ZCWPW2: variants seen among roughly 807,000 people sequenced by gnomAD.
The protein encoded by ZCWPW2 is zinc finger CW-type and PWWP domain containing 2.
A neutral mutation model predicts 46.6 loss-of-function variants in ZCWPW2; 45 were observed. The ratio of observed to expected loss-of-function variants is 0.96; its 90% CI spans 0.76 to 1.24. ZCWPW2 has a LOEUF of 1.24. Ranked by LOEUF, ZCWPW2 falls within the 50% of genes most tolerant of loss-of-function variation. ZCWPW2 has a pLI of 0.00. For missense variants in ZCWPW2, 429 were observed against 403.9 expected (o/e 1.06, Z -0.53); for synonymous variants, 152 against 137.1 (o/e 1.11, Z -0.76).
chr3:28,397,128 CAAA>C (rs35842436), intron 2 of ZCWPW2, among the ~76,000 whole-genome samples: 1 of 137,300 alleles, frequency 7.3e-6, no homozygotes, highest in Middle Eastern at 3.9e-3. Context: ...TACTCTGTCT[CAAA>C]AAAAAAAAAA....
chr3:28,382,290 G>A (rs1695135722), intron 1 of ZCWPW2, among the ~76,000 whole-genome samples: 1 of 152,082 alleles, frequency 6.6e-6, no homozygotes, highest in Non-Finnish European at 1.5e-5. Context: ...GGAAGGATCT[G>A]TTTCAGACCT....
At chr3:28,453,458 A>G (rs1017599073) in intron 4 of ZCWPW2, among the ~76,000 whole-genome samples, 6 of 152,212 alleles carry the variant, frequency 3.9e-5, no homozygotes, top group Non-Finnish European at 7.3e-5. Context: ...TGAAAAATGT[A>G]TCAATTAGGT....
chr3:28,380,940 A>G (rs1330776108), intron 1 of ZCWPW2, among the ~76,000 whole-genome samples: 3 of 16,858 alleles, frequency 1.8e-4, no homozygotes, highest in African/African-American at 2.3e-4. Context: ...TTTGGTATAT[A>G]TATATATATA....
chr3:28,477,310 A>G (rs1575181685), intron 4 of ZCWPW2, among the ~76,000 whole-genome samples: 1 of 152,280 alleles, frequency 6.6e-6, no homozygotes, highest in South Asian at 2.1e-4. Context: ...TGTGTCCAAA[A>G]GTAGAGTTTT....
chr3:28,349,589 G>A (rs540672369), intron 1 of ZCWPW2, among the ~76,000 whole-genome samples: 2 of 152,268 alleles, frequency 1.3e-5, no homozygotes, highest in South Asian at 4.1e-4. Flanking sequence ...CGGCTTCCCT[G>A]GAGTTGCCAC....
chr3:28,401,237 A>G (rs1559489569), intron 2 of ZCWPW2, among the ~76,000 whole-genome samples: 1 of 152,106 alleles, frequency 6.6e-6, no homozygotes, highest in Non-Finnish European at 1.5e-5. Context: ...TACAGGTAAC[A>G]GATAGAAAGA....
intron 3 of ZCWPW2, among the ~76,000 whole-genome samples, chr3:28,429,035 A>C (rs890789100): frequency 2.9e-4 from 44 of 152,202 alleles, no homozygotes; most frequent in African/African-American, 1.1e-3. Flanking sequence ...CTATAAGGAT[A>C]CCCAAAAATG....
intron 1 of ZCWPW2, among the ~76,000 whole-genome samples, chr3:28,382,523 T>A (rs1695143856): frequency 6.6e-6 from 1 of 152,200 alleles, no homozygotes; most frequent in South Asian, 2.1e-4. Context: ...ATGTGAATTT[T>A]TTTGGAGAGG....
chr3:28,495,694 T>C (rs910661785), intron 6 of ZCWPW2, among the ~76,000 whole-genome samples: 1 of 152,104 alleles, frequency 6.6e-6, no homozygotes, highest in African/African-American at 2.4e-5. Flanking sequence ...TTTAATTTTT[T>C]CTCTAGTAAC....
At chr3:28,368,715 G>C (rs1401490582) in intron 1 of ZCWPW2, among the ~76,000 whole-genome samples, 5 of 152,204 alleles carry the variant, frequency 3.3e-5, no homozygotes, top group Admixed American at 2.6e-4. Flanking sequence ...TGCCTTGCTA[G>C]ATTGGGGAAG....
chr3:28,375,885 A>T (rs1241848736), intron 1 of ZCWPW2, among the ~76,000 whole-genome samples: 1 of 152,128 alleles, frequency 6.6e-6, no homozygotes, highest in Non-Finnish European at 1.5e-5. Context: ...AAGTAAAAAC[A>T]TGAAATGTTT....
chr3:28,355,580 C>T (rs1396550474), intron 1 of ZCWPW2, among the ~76,000 whole-genome samples: 1 of 152,220 alleles, frequency 6.6e-6, no homozygotes, highest in African/African-American at 2.4e-5. Context: ...GGAGGCATCA[C>T]ACTACCTGAC....
At chr3:28,461,664 C>T (rs146305834) in intron 4 of ZCWPW2, 1 of 152,054 alleles carries the variant, frequency 6.6e-6, no homozygotes, top group Admixed American at 6.6e-5. Flanking sequence ...TAAATATTTA[C>T]TCAACTCCTA....
intron 8 of ZCWPW2, among the ~76,000 whole-genome samples, chr3:28,518,040 G>A (rs1160762010): frequency 1.3e-5 from 2 of 150,434 alleles, no homozygotes; most frequent in Non-Finnish European, 2.9e-5. Flanking sequence ...GGAGGCTGAG[G>A]CAGGAGAATT....
At chr3:28,354,208 C>T (rs1210278794) in intron 1 of ZCWPW2, among the ~76,000 whole-genome samples, 1 of 152,062 alleles carries the variant, frequency 6.6e-6, no homozygotes, top group African/African-American at 2.4e-5. Flanking sequence ...AAACTATCAT[C>T]AGAGAATATT....
intron 3 of ZCWPW2, among the ~76,000 whole-genome samples, chr3:28,427,793 A>T (rs1697078323): frequency 6.6e-6 from 1 of 152,210 alleles, no homozygotes; most frequent in Non-Finnish European, 1.5e-5. Context: ...AAATCTTGAG[A>T]CTATTTTATG....
At chr3:28,521,143 T>C (rs1386570534) in intron 9 of ZCWPW2, 27 bp downstream of exon 9, 1 of 1,571,788 alleles carries the variant, frequency 6.4e-7, no homozygotes, top group South Asian at 1.2e-5. Context: ...TTTTCAGACC[T>C]AAATAACAAC....
intron 4 of ZCWPW2, among the ~76,000 whole-genome samples, chr3:28,469,610 TAAG>T (rs1430643079): frequency 6.6e-6 from 1 of 151,906 alleles, no homozygotes; most frequent in Non-Finnish European, 1.5e-5. Context: ...ACAAAAACTG[TAAG>T]AAGAGACAAA....
chr3:28,435,951 T>C (rs1430962782), intron 4 of ZCWPW2, among the ~76,000 whole-genome samples: 1 of 152,196 alleles, frequency 6.6e-6, no homozygotes, highest in Middle Eastern at 3.2e-3. Flanking sequence ...TAATTATGGA[T>C]TGCAACCAGT....
Sources: gnomAD v4.1 joint callset for allele counts (sites outside exome capture counted in the v4.1 genomes callset) on GRCh38, gnomAD v4.1.1 for gene constraint, MANE v1.5 for transcripts, NCBI Gene and HGNC (gene_info 2026-07-23, HGNC 2026-07-21) for gene names.